The following NMRK2 variants were observed in gnomAD, a reference collection of about 807,000 sequenced individuals.
The protein encoded by NMRK2 is NRK 2.
NMRK2 carries 34 observed loss-of-function variants against 24.7 expected under a neutral mutation model. The observed-to-expected ratio is 1.37, with a 90% confidence interval of 1.05 to 1.83. The LOEUF is 1.83. Among genes scored for constraint, NMRK2 ranks in the 40% most tolerant of loss-of-function variants. NMRK2 has a pLI of 0.00. For synonymous variants in NMRK2, 145 were observed against 125.6 expected, an observed-to-expected ratio of 1.15 and a Z score of -1.03; for missense variants, 341 against 315.0, an observed-to-expected ratio of 1.08 and a Z score of -0.62.
At chr19:3,933,928 C>T (rs553500129) in intron 2 of NMRK2, among the ~76,000 whole-genome samples, 19 of 148,316 alleles carry the variant, frequency 1.3e-4, no homozygotes, top group African/African-American at 4.4e-4. Context: ...AAATGATTCC[C>T]GCCACCTTCC....
chr19:3,938,104 CCTGGGGT>C (rs2039247915), intron 4 of NMRK2, among the ~76,000 whole-genome samples: 1 of 136,444 alleles, frequency 7.3e-6, no homozygotes. Context: ...CCACTGTTCC[CCTGGGGT>C]CCGCCCTCCT....
chr19:3,937,311 A>G (rs1568179795), intron 4 of NMRK2, 23 bp downstream of exon 4: 2 of 1,609,600 alleles, frequency 1.2e-6, no homozygotes, highest in East Asian at 4.5e-5. Flanking sequence ...ATCACCTCCA[A>G]GCCCCACTAT....
intron 6 of NMRK2, among the ~76,000 whole-genome samples, chr19:3,940,660 G>A (rs1242668199): frequency 1.3e-5 from 2 of 151,448 alleles, no homozygotes; most frequent in African/African-American, 4.9e-5. Flanking sequence ...GCTTGAACCC[G>A]GGAGGTGGAG....
rs1269335341 is a variant in NMRK2, at chr19:3,938,844, GTT to G, written c.323+88_323+89del. ...CTTGTTTTTTTTTTTTTTTTTTTTT[GTT>G]TTGTTTTTTTTTTTTTTTGAGACAA... On this transcript the variant is annotated intron_variant, in intron 5 of 7. Transcript: ENST00000168977. The G allele has an allele frequency of 3.3e-4, 58 of 174,624 alleles. 2 individuals are homozygous for G. In the East Asian group the frequency reaches 5.3e-3, roughly 16 times the overall value. The allele number at this position is 174,624 out of a possible 1,614,324, so 10.8% of individuals were successfully genotyped here.
Position 3,939,869 on chromosome 19 carries a change from G to T in NMRK2, c.324-31G>T, listed in dbSNP as rs1452719765. On this transcript the variant is annotated intron_variant, in intron 5 of 7. Transcript: ENST00000168977. ...ACTGCGGTTGAAGGAAAGCTCACAGGTGCTGACCGTGTCTCCCCCACTCCG... is the reference window on the plus strand; with the variant it reads ...ACTGCGGTTGAAGGAAAGCTCACAGTTGCTGACCGTGTCTCCCCCACTCCG... 3.8e-6 allele frequency: 6 copies of T among 1,594,784 alleles called. No homozygotes were observed. The African/African-American group carries it at 6.7e-5, about 18-fold the overall frequency.
At chr19:3,941,885 C>T (rs1568182742) in intron 7 of NMRK2, among the ~76,000 whole-genome samples, 198 bp from the exon 8 acceptor site, 1 of 152,144 alleles carries the variant, frequency 6.6e-6, no homozygotes, top group Non-Finnish European at 1.5e-5. Context: ...TCGTGATCCG[C>T]CTGCCTCGGC....
intron 5 of NMRK2, 123 bp downstream of exon 5, chr19:3,938,882 CTT>C (rs2039276234): frequency 1.3e-6 from 1 of 753,620 alleles, no homozygotes; most frequent in Admixed American, 5.9e-5. Context: ...GAGTTTTGCT[CTT>C]GTTGCCCAGG....
Position 3,936,574 on chromosome 19 carries a change from G to A in NMRK2, c.27-1G>A. 2 of 1,551,066 alleles carry A rather than the reference G, an allele frequency of 1.3e-6. No individual in the cohort carries two copies. Among genetic ancestry groups the A allele is most frequent in the Non-Finnish European group, 1.7e-6 (2 of 1,150,274 alleles). On this transcript the variant is annotated splice_acceptor_variant, in intron 2 of 7. Coordinates refer to ENST00000168977, the MANE Select transcript of NMRK2 (RefSeq NM_170678.3). LOFTEE classifies it high-confidence loss of function. The stretch of plus-strand genomic sequence containing the variant: ...GTCTCATGCACACGCTGTCTCCCCA[G>A]CATGACCAACGGCGGCAAGACCACG...
chr19:3,936,526 C>T, intron 2 of NMRK2, 49 bp from the exon 3 acceptor site: 1 of 1,427,494 alleles, frequency 7.0e-7, no homozygotes, highest in Non-Finnish European at 9.4e-7. Context: ...AGCACCCTGA[C>T]CTTCTTGGGG....
Position 3,933,619 on chromosome 19 carries a change from G to A in NMRK2, c.-53G>A. 3.3e-6 allele frequency: 5 copies of A among 1,513,554 alleles called. No homozygotes were observed. The highest frequency in any genetic ancestry group is 2.7e-5 in the East Asian group (1 of 36,758). The allele number at this position is 1,513,554 out of a possible 1,614,324, so 93.8% of individuals were successfully genotyped here. ...GCACTCCGGAGCGCACTGCGTGGTC[G>A]CACCCTACCCGGGCTGCCTTGGAAG... On this transcript the variant is annotated 5_prime_UTR_variant, in exon 2 of 8. Transcript: ENST00000168977.
At chr19:3,940,147 G>C (rs1297548911) in intron 6 of NMRK2, among the ~76,000 whole-genome samples, 176 bp downstream of exon 6, 1 of 151,854 alleles carries the variant, frequency 6.6e-6, no homozygotes, top group African/African-American at 2.4e-5. Flanking sequence ...AGGAGTTCGA[G>C]ACCAGCCTGG....
At position 3,942,284 on chromosome 19, in the gene NMRK2, A is replaced by T. The variant is rs762388429; in HGVS notation, c.*11A>T. The T allele has an allele frequency of 6.3e-7, 1 of 1,594,132 alleles. No homozygotes were observed. The highest frequency in any genetic ancestry group is 1.1e-5 in the South Asian group (1 of 89,110). ...CAGGACAGCATGTGAGCGTTTCCCT[A>T]TGGGGGTGTCTGTACGTAGGAGAGT... On this transcript the variant is annotated 3_prime_UTR_variant, in exon 8 of 8. Coordinates refer to ENST00000168977, the MANE Select transcript of NMRK2 (RefSeq NM_170678.3).
At chr19:3,938,009 C>T (rs1374850839) in intron 4 of NMRK2, among the ~76,000 whole-genome samples, 2 of 113,492 alleles carry the variant, frequency 1.8e-5, no homozygotes, top group South Asian at 3.0e-4. Context: ...CCTCCACTGT[C>T]CCCCCGGGGT....
In NMRK2 at chr19:3,938,631, G is replaced by A. The variant is rs750398158; in HGVS notation, c.195G>A (p.Met65Ile). 2.4e-5 allele frequency: 38 copies of A among 1,601,624 alleles called. No individual in the cohort carries two copies. In the South Asian group the frequency reaches 3.4e-4, roughly 14 times the overall value. ...DVLESLDMEA[M>I]LDTVQAWLSS... ...TGGAGTCTCTGGACATGGAGGCCAT[G>A]CTGGACACCGTGCAGGCCTGGCTGA... The change falls in exon 5 of 8, where the codon ATG becomes ATA. Residue 65 changes from methionine to isoleucine, a missense_variant. Physicochemically the swap from Met to Ile is conservative, Grantham distance 10. Transcript: ENST00000168977.
At chr19:3,933,269 A>C in intron 1 of NMRK2, 91 bp downstream of exon 1, 13 of 191,574 alleles carry the variant, frequency 6.8e-5, no homozygotes, top group East Asian at 1.3e-4. Context: ...TAGGGAGGGA[A>C]AAGTGTGGGG....
rs1336018333 is a variant in NMRK2, at chr19:3,942,201, G to C, written c.621G>C (p.Arg207Ser). 6.2e-7 allele frequency: 1 copy of C among 1,613,168 alleles called. No individual in the cohort carries two copies. Among genetic ancestry groups the C allele is most frequent in the Non-Finnish European group, 8.5e-7 (1 of 1,179,984 alleles). ...CCCCCTCCCCGGCTCGCCCAGCCAG[G>C]ACACAGGGACCCGGACGCGGATGCG... ...ESAPSPARPA[R>S]TQGPGRGCGH... The change falls in exon 8 of 8, where the codon AGG becomes AGC. Residue 207 changes from arginine to serine, a missense_variant. Physicochemically the swap from Arg to Ser is moderately radical, Grantham distance 110 (BLOSUM62 -1). Coordinates refer to ENST00000168977, the MANE Select transcript of NMRK2 (RefSeq NM_170678.3).
At chr19:3,935,940 C>T (rs760844938) in intron 2 of NMRK2, among the ~76,000 whole-genome samples, 4 of 151,626 alleles carry the variant, frequency 2.6e-5, no homozygotes, top group Admixed American at 2.0e-4. Context: ...ATAGGTGGGC[C>T]GGGCTCACAC....
chr19:3,937,127 C>A (rs542699547), intron 3 of NMRK2, 113 bp from the exon 4 acceptor site: 2 of 981,900 alleles, frequency 2.0e-6, no homozygotes, highest in Non-Finnish European at 1.6e-6. Context: ...AGAGCCCCCA[C>A]GCCTCAGGGA....
At chr19:3,935,008 A>T (rs1308853225) in intron 2 of NMRK2, among the ~76,000 whole-genome samples, 2 of 152,100 alleles carry the variant, frequency 1.3e-5, no homozygotes, top group African/African-American at 4.8e-5. Context: ...ATTTTTATTT[A>T]AAAAATTATT....
Sources: gnomAD v4.1 joint callset for allele counts (sites outside exome capture counted in the v4.1 genomes callset) on GRCh38, gnomAD v4.1.1 for gene constraint, MANE v1.5 for transcripts, NCBI Gene and HGNC (gene_info 2026-07-23, HGNC 2026-07-21) for gene names.